The following SUMF1 variants were observed in gnomAD, a reference collection of about 807,000 sequenced individuals.
SUMF1 encodes the protein sulfatase modifying factor 1.
A neutral mutation model predicts 47.6 loss-of-function variants in SUMF1; 48 were observed. The observed-to-expected ratio is 1.01, with a 90% CI of 0.80 to 1.28. The LOEUF is 1.28. SUMF1 is among the 50% of genes most tolerant of loss of function. SUMF1 has a pLI of 0.00. For missense variants in SUMF1, 571 were observed against 485.4 expected (o/e 1.18, Z -1.66); for synonymous variants, 230 against 192.1 (o/e 1.20, Z -1.63).
intron 9 of SUMF1, among the ~76,000 whole-genome samples, chr3:4,059,486 T>A (rs1453085035): frequency 3.3e-5 from 5 of 152,164 alleles, no homozygotes; most frequent in African/African-American, 1.2e-4. Context: ...ATGATGGTGA[T>A]AGTTCTGCCT....
chr3:4,127,805 T>C (rs550544776), intron 8 of SUMF1, among the ~76,000 whole-genome samples: 1 of 152,244 alleles, frequency 6.6e-6, no homozygotes, highest in Admixed American at 6.5e-5. Context: ...TCATTGGTTT[T>C]GGGGTTTCTG....
chr3:4,061,967 T>C (rs795724), intron 9 of SUMF1, among the ~76,000 whole-genome samples: 148,714 of 152,100 alleles, frequency 0.98, 72,771 homozygotes, highest in Middle Eastern at 1. Context: ...CCACCTCTTC[T>C]GTCCCACTGG....
rs1264296745 is a variant in SUMF1, at chr3:4,263,991, C to T, written c.1014+112339G>A. Among the ~76,000 whole-genome samples, 2 of 152,136 alleles carry T rather than the reference C, an allele frequency of 1.3e-5. 1 individual carries two copies. Among genetic ancestry groups the T allele is most frequent in the Non-Finnish European group, 2.9e-5 (2 of 68,018 alleles). Reference sequence around the variant, plus strand: ...AGGAAAATACATATTAATAGCAAATCTTTACTATTACGCACATAACATTTT... The same window carrying T: ...AGGAAAATACATATTAATAGCAAATTTTTACTATTACGCACATAACATTTT... On this transcript the variant is annotated intron_variant and NMD_transcript_variant, in intron 8 of 12. Coordinates refer to the SUMF1 transcript ENST00000448413.
At chr3:4,253,159 C>G (rs961498495) in intron 8 of SUMF1, among the ~76,000 whole-genome samples, 1 of 152,216 alleles carries the variant, frequency 6.6e-6, no homozygotes, top group Non-Finnish European at 1.5e-5. Context: ...GTTTGGTTCA[C>G]TTTCCATCTC....
intron 8 of SUMF1, among the ~76,000 whole-genome samples, chr3:4,275,203 A>C (rs552402357): frequency 6.6e-6 from 1 of 152,316 alleles, no homozygotes; most frequent in African/African-American, 2.4e-5. Context: ...AGAAGCAAGA[A>C]ATGAAGTAGT....
At chr3:4,205,097 GA>G (rs1018494576) in intron 8 of SUMF1, among the ~76,000 whole-genome samples, 2 of 152,106 alleles carry the variant, frequency 1.3e-5, no homozygotes, top group African/African-American at 4.8e-5. Flanking sequence ...AGCAACTGAA[GA>G]TCCACAGAAG....
At chr3:4,445,538 T>C (rs1702751510) in intron 3 of SUMF1, among the ~76,000 whole-genome samples, 1 of 152,126 alleles carries the variant, frequency 6.6e-6, no homozygotes, top group Admixed American at 6.5e-5. Context: ...GGGGTCTCTC[T>C]CTCTCTCTCT....
At chr3:4,038,155 G>A (rs1480590545) in intron 9 of SUMF1, among the ~76,000 whole-genome samples, 5 of 152,184 alleles carry the variant, frequency 3.3e-5, no homozygotes, top group South Asian at 4.1e-4. Context: ...CCAACTTGGA[G>A]GCAGCAGAGG....
intron 9 of SUMF1, among the ~76,000 whole-genome samples, chr3:4,042,274 T>C (rs1015934448): frequency 6.6e-6 from 1 of 152,220 alleles, no homozygotes; most frequent in Non-Finnish European, 1.5e-5. Flanking sequence ...TCACCTGATC[T>C]TTATAACGTG....
At chr3:4,272,309 T>C (rs964514987) in intron 8 of SUMF1, among the ~76,000 whole-genome samples, 4 of 152,230 alleles carry the variant, frequency 2.6e-5, no homozygotes, top group African/African-American at 9.6e-5. Context: ...GGCTGGGCTG[T>C]AATGTGGTTC....
chr3:4,083,916 G>T (rs543299961), intron 8 of SUMF1, among the ~76,000 whole-genome samples: 4 of 151,264 alleles, frequency 2.6e-5, no homozygotes, highest in African/African-American at 9.7e-5. Flanking sequence ...GTTTCTCTGA[G>T]TGGTCGGTTT....
At chr3:4,219,284 C>T (rs1039621958) in intron 8 of SUMF1, among the ~76,000 whole-genome samples, 1 of 152,120 alleles carries the variant, frequency 6.6e-6, no homozygotes, top group African/African-American at 2.4e-5. Flanking sequence ...TTGATCCTTA[C>T]AAATCAATGA....
At chr3:4,434,709 T>C (rs1206783984) in intron 3 of SUMF1, among the ~76,000 whole-genome samples, 2 of 152,080 alleles carry the variant, frequency 1.3e-5, no homozygotes, top group African/African-American at 2.4e-5. Context: ...ACTACAATGT[T>C]GTGCTGGCAT....
At chr3:4,431,712 T>C (rs527433821) in intron 3 of SUMF1, among the ~76,000 whole-genome samples, 94 of 152,190 alleles carry the variant, frequency 6.2e-4, no homozygotes, top group Middle Eastern at 3.4e-3. Context: ...ACAGAAATGG[T>C]GGTGAGGCCA....
intron 8 of SUMF1, among the ~76,000 whole-genome samples, chr3:4,304,354 C>A (rs1024248603): frequency 1.3e-5 from 2 of 152,164 alleles, no homozygotes; most frequent in Non-Finnish European, 2.9e-5. Flanking sequence ...GTTGGTCAGG[C>A]TGGTCTCGAA....
intron 9 of SUMF1, among the ~76,000 whole-genome samples, chr3:4,065,313 G>C (rs1695351178): frequency 1.3e-5 from 2 of 152,052 alleles, no homozygotes; most frequent in African/African-American, 4.8e-5. Context: ...AGAAAGAAGA[G>C]GAAATGAGAA....
chr3:4,207,971 T>C (rs1012180198), intron 8 of SUMF1, among the ~76,000 whole-genome samples: 1 of 152,144 alleles, frequency 6.6e-6, no homozygotes, highest in African/African-American at 2.4e-5. Context: ...TTTTATGAGT[T>C]CTACCTGCAG....
At chr3:4,402,521 C>T (rs1701244894) in intron 7 of SUMF1, among the ~76,000 whole-genome samples, 2 of 152,144 alleles carry the variant, frequency 1.3e-5, no homozygotes, top group South Asian at 2.1e-4. Context: ...AGATATAGCC[C>T]GATACTACAG....
chr3:4,131,860 C>T (rs1338743805), intron 8 of SUMF1, among the ~76,000 whole-genome samples: 2 of 152,166 alleles, frequency 1.3e-5, no homozygotes, highest in Non-Finnish European at 2.9e-5. Flanking sequence ...CCAGCCACCT[C>T]TGTCATTGCC....
Sources: allele counts gnomAD v4.1 joint callset (sites outside exome capture counted in the v4.1 genomes callset), GRCh38; gene constraint gnomAD v4.1.1; transcripts MANE v1.5; gene names NCBI Gene and HGNC (gene_info 2026-07-23, HGNC 2026-07-21).